The following MARK4 variants were observed in gnomAD, a reference collection of about 807,000 sequenced individuals.
The protein encoded by MARK4 is microtubule affinity regulating kinase 4.
Under a neutral mutation model 81.5 loss-of-function variants are expected in MARK4, and 19 were observed. The observed-to-expected ratio is 0.23, with a 90% CI of 0.16 to 0.34. The LOEUF (loss-of-function observed/expected upper bound fraction) is 0.34, where lower values mean the gene tolerates loss of function less well. Among genes scored for constraint, MARK4 ranks in the 10% least tolerant of loss-of-function variants. MARK4 has a pLI of 1.00. For missense variants in MARK4, 772 were observed against 1,058.8 expected (o/e 0.73, Z 3.76); for synonymous variants, 436 against 439.0 (o/e 0.99, Z 0.08).
intron 1 of MARK4, among the ~76,000 whole-genome samples, chr19:45,253,934 T>C (rs1277455092): frequency 1.3e-5 from 2 of 152,190 alleles, no homozygotes; most frequent in Admixed American, 6.5e-5. Context: ...TGCTGTTCCC[T>C]GGGTTGTTAA....
At chr19:45,269,787 A>G (rs1473452222) in intron 7 of MARK4, among the ~76,000 whole-genome samples, 2 of 152,188 alleles carry the variant, frequency 1.3e-5, no homozygotes, top group African/African-American at 2.4e-5. Flanking sequence ...TGAAATGGCA[A>G]TTGCAAGACC....
intron 12 of MARK4, among the ~76,000 whole-genome samples, chr19:45,281,059 A>G (rs1970667882): frequency 6.9e-6 from 1 of 144,606 alleles, no homozygotes; most frequent in Non-Finnish European, 1.5e-5. Flanking sequence ...CAGCTCCCCG[A>G]TTTTTTTTTT....
At chr19:45,299,746 G>A in intron 15 of MARK4, 65 bp from the exon 16 acceptor site, 1 of 1,466,294 alleles carries the variant, frequency 6.8e-7, no homozygotes, top group Non-Finnish European at 9.3e-7. Context: ...CCCAGAGGCA[G>A]TGGGTTGCGG....
intron 13 of MARK4, among the ~76,000 whole-genome samples, chr19:45,293,874 G>A (rs1321365998): frequency 6.6e-6 from 1 of 152,200 alleles, no homozygotes; most frequent in African/African-American, 2.4e-5. Context: ...GGGGGTGGTG[G>A]TAGATTATGA....
At chr19:45,274,579 C>T (rs775828663) in intron 8 of MARK4, among the ~76,000 whole-genome samples, 18 of 150,942 alleles carry the variant, frequency 1.2e-4, no homozygotes, top group African/African-American at 3.2e-4. Context: ...TGTAGTGAGC[C>T]GAGATCACAC....
rs1970451969 is a variant in MARK4, at chr19:45,266,270, A to G, written c.538A>G (p.Arg180Gly). 1 of 1,613,674 alleles carries G rather than the reference A, an allele frequency of 6.2e-7. No homozygotes were observed. Among genetic ancestry groups the G allele is most frequent in the African/African-American group, 1.3e-5 (1 of 74,864 alleles). ...HYCHQKNIVH[R>G]DLKAENLLLD... ...TTGTCACCAGAAAAATATTGTACAC[A>G]GGGACCTGAAGGTAAGCCCCCGACC... Residue 180 changes from arginine to glycine, a missense_variant, in exon 7 of 17, where the codon AGG becomes GGG. Transcript: ENST00000262891.
At chr19:45,253,029 C>T (rs538916576) in intron 1 of MARK4, among the ~76,000 whole-genome samples, 1 of 152,192 alleles carries the variant, frequency 6.6e-6, no homozygotes, top group East Asian at 1.9e-4. Context: ...AGAGGCCCCT[C>T]CCCATCTCCT....
rs1199378234 is a variant in MARK4, at chr19:45,302,460, C to CT, written c.2010dup (p.Glu671Ter). ...GTGAAGCTGACCAGCTCGCGCCCTC[C>CT]TGAGGCCCTGATGGCAGCTCTGCGC... On this transcript the variant is annotated frameshift_variant, in exon 17 of 17. Coordinates refer to ENST00000262891, the MANE Select transcript of MARK4 (RefSeq NM_001199867.2). LOFTEE classifies it high-confidence loss of function. This position sits in a 1 kb window ranked among gnomAD's most constrained non-coding sequence, Gnocchi z 4.9. 6.2e-7 allele frequency: 1 copy of CT among 1,613,278 alleles called. No individual in the cohort carries two copies. Among genetic ancestry groups the CT allele is most frequent in the Non-Finnish European group, 8.5e-7 (1 of 1,179,894 alleles).
At chr19:45,268,983 G>A (rs1329375172) in intron 7 of MARK4, among the ~76,000 whole-genome samples, 1 of 152,086 alleles carries the variant, frequency 6.6e-6, no homozygotes, top group African/African-American at 2.4e-5. Context: ...CAGCTAACAC[G>A]AGTTTTGGGG....
intron 12 of MARK4, among the ~76,000 whole-genome samples, chr19:45,281,483 C>T (rs1970674261): frequency 6.6e-6 from 1 of 151,612 alleles, no homozygotes; most frequent in Non-Finnish European, 1.5e-5. Flanking sequence ...GCCTCAGCCT[C>T]CTGAGTAGCC....
At position 45,271,767 on chromosome 19, in the gene MARK4, C is replaced by A. The variant is rs1970531025; in HGVS notation, c.786+59C>A. 1.4e-6 allele frequency: 2 copies of A among 1,470,180 alleles called. No homozygotes were observed. Among genetic ancestry groups the A allele is most frequent in the African/African-American group, 1.4e-5 (1 of 71,658 alleles). 91.1% of individuals were successfully genotyped at this position (1,470,180 alleles called of 1,614,324 possible). ...CCCTCCCCACAGTCAGGCCCCTATC[C>A]CCCCCACACCTCCCCTGCAGAGGGC... is the stretch of plus-strand genomic sequence containing the variant. On this transcript the variant is annotated intron_variant, in intron 8 of 16. Coordinates refer to ENST00000262891, the MANE Select transcript of MARK4 (RefSeq NM_001199867.2). This position sits in a 1 kb window ranked among gnomAD's most constrained non-coding sequence, Gnocchi z 4.1.
At chr19:45,275,131 C>T (rs1369405349) in intron 8 of MARK4, among the ~76,000 whole-genome samples, 3 of 152,184 alleles carry the variant, frequency 2.0e-5, no homozygotes, top group Admixed American at 6.5e-5. Flanking sequence ...CGTGGCGGCA[C>T]GTGCCTGTAG....
At chr19:45,287,373 G>T in intron 12 of MARK4, 74 bp from the exon 13 acceptor site, 1 of 1,079,672 alleles carries the variant, frequency 9.3e-7, no homozygotes, top group South Asian at 2.3e-5. Context: ...GAATTCTCAG[G>T]TTCCAACGAT....
chr19:45,284,670 G>A (rs989473967), intron 12 of MARK4, among the ~76,000 whole-genome samples: 7 of 152,048 alleles, frequency 4.6e-5, no homozygotes, highest in African/African-American at 1.7e-4. Flanking sequence ...ATCCAGCCCA[G>A]GGCTGAGTGC....
In MARK4 at chr19:45,303,931, T is replaced by C. The variant is rs1437051718; in HGVS notation, c.*1221T>C. 1 of 152,246 alleles carries C rather than the reference T, an allele frequency of 6.6e-6. No individual in the cohort carries two copies. Among genetic ancestry groups the C allele is most frequent in the Non-Finnish European group, 1.5e-5 (1 of 68,066 alleles). 9.4% of individuals were successfully genotyped at this position (152,246 alleles called of 1,614,324 possible). ...GCAAAAGCCCAGAAGTGGGAGTATG[T>C]GGTATATCTTCAGAGAACTGGGTAA... On this transcript the variant is annotated 3_prime_UTR_variant, in exon 17 of 17. Coordinates refer to ENST00000262891, the MANE Select transcript of MARK4 (RefSeq NM_001199867.2).
At chr19:45,253,927 T>G (rs1292057591) in intron 1 of MARK4, among the ~76,000 whole-genome samples, 3 of 152,212 alleles carry the variant, frequency 2.0e-5, no homozygotes, top group Non-Finnish European at 2.9e-5. Context: ...GAAGACTTGC[T>G]GTTCCCTGGG....
intron 14 of MARK4, among the ~76,000 whole-genome samples, chr19:45,295,490 G>A (rs1970875172): frequency 6.6e-6 from 1 of 152,008 alleles, no homozygotes. Context: ...TGGGCTTGAT[G>A]CTGGCCGGGC....
chr19:45,256,204 G>A (rs1334589353), intron 1 of MARK4, among the ~76,000 whole-genome samples: 7 of 152,162 alleles, frequency 4.6e-5, no homozygotes, highest in African/African-American at 1.7e-4. Flanking sequence ...TTGGGAGGCC[G>A]AGGTGGGTGG....
intron 13 of MARK4, among the ~76,000 whole-genome samples, chr19:45,290,715 G>A (rs550826957): frequency 8.5e-5 from 13 of 152,332 alleles, no homozygotes; most frequent in African/African-American, 2.4e-4. Context: ...AGCAGTGTCT[G>A]GCCATGACCA....
Sources: allele counts gnomAD v4.1 joint callset (sites outside exome capture counted in the v4.1 genomes callset), GRCh38; gene constraint gnomAD v4.1.1; non-coding constraint Gnocchi (gnomAD v3.1); transcripts MANE v1.5; gene names NCBI Gene and HGNC (gene_info 2026-07-23, HGNC 2026-07-21).